The following NLK variants were observed in gnomAD, a reference collection of about 807,000 sequenced individuals.
NLK encodes nemo like kinase, also known as serine/threonine-protein kinase NLK.
In NLK, 11 loss-of-function variants were observed where a neutral mutation model predicts 59.0. The observed-to-expected ratio is 0.19, with a 90% CI of 0.12 to 0.31. The LOEUF (loss-of-function observed/expected upper bound fraction) is 0.31, where lower values mean the gene tolerates loss of function less well. Ranked by LOEUF, NLK falls within the 10% of genes least tolerant of loss-of-function variation. The pLI is 1.00. For synonymous variants in NLK, 235 were observed against 235.9 expected (o/e 1.00, Z 0.03); for missense variants, 410 against 661.1 (o/e 0.62, Z 4.16).
chr17:28,079,334 A>C (rs1440570651), intron 1 of NLK, among the ~76,000 whole-genome samples: 1 of 152,238 alleles, frequency 6.6e-6, no homozygotes, highest in African/African-American at 2.4e-5. Flanking sequence ...AGATATGCAA[A>C]TATCTCTTTG....
intron 1 of NLK, among the ~76,000 whole-genome samples, chr17:28,076,106 A>G (rs1410144710): frequency 6.6e-6 from 1 of 152,194 alleles, no homozygotes; most frequent in Non-Finnish European, 1.5e-5. Context: ...TGTTGGAGCT[A>G]AAAAGGATTG....
chr17:28,088,130 T>G (rs964544739), intron 1 of NLK, among the ~76,000 whole-genome samples: 2 of 152,228 alleles, frequency 1.3e-5, no homozygotes, highest in Non-Finnish European at 2.9e-5. Context: ...TTCTGCTCTC[T>G]TTTCTGTTCA....
At chr17:28,069,369 G>T (rs1417958018) in intron 1 of NLK, among the ~76,000 whole-genome samples, 1 of 152,054 alleles carries the variant, frequency 6.6e-6, no homozygotes, top group Admixed American at 6.6e-5. Flanking sequence ...TCTTTTTATG[G>T]ATATAAGTTT....
rs1027848059 is a variant in NLK at position 28,195,148 on chromosome 17, G to C, written c.*512G>C. On this transcript the variant is annotated 3_prime_UTR_variant, in exon 11 of 11. Coordinates refer to ENST00000407008, the MANE Select transcript of NLK (RefSeq NM_016231.5). The stretch of plus-strand genomic sequence containing the variant: ...ACGTGAGCTGATCGTGGCTGCACCT[G>C]GGGGGAGGGTAGGGAGGAGGGGCAT... 1 of 152,236 alleles carries C rather than the reference G, an allele frequency of 6.6e-6. No homozygotes were observed. The highest frequency in any genetic ancestry group is 6.6e-5 in the Admixed American group (1 of 15,234). The allele number at this position is 152,236 out of a possible 1,614,324, so 9.4% of individuals were successfully genotyped here.
At chr17:28,185,507 CATTA>C (rs2142069274) in intron 8 of NLK, among the ~76,000 whole-genome samples, 1 of 152,206 alleles carries the variant, frequency 6.6e-6, no homozygotes, top group South Asian at 2.1e-4. Flanking sequence ...TTATTTATCT[CATTA>C]TTTGTAAAAG....
intron 6 of NLK, among the ~76,000 whole-genome samples, chr17:28,170,637 G>A (rs1180936043): frequency 1.3e-5 from 2 of 152,164 alleles, no homozygotes; most frequent in African/African-American, 4.8e-5. Context: ...TAACCTGTAA[G>A]ACTATCATAT....
intron 8 of NLK, among the ~76,000 whole-genome samples, chr17:28,186,054 A>G (rs1241003756): frequency 1.3e-5 from 2 of 152,204 alleles, no homozygotes; most frequent in Non-Finnish European, 2.9e-5. Context: ...GCCAATAACT[A>G]TTGTCAAAGA....
intron 3 of NLK, among the ~76,000 whole-genome samples, chr17:28,160,594 G>A (rs1344552186): frequency 1.3e-5 from 2 of 152,156 alleles, no homozygotes; most frequent in African/African-American, 4.8e-5. Context: ...TAGTGGTGAT[G>A]GTGGGGAGGG....
At chr17:28,144,286 G>C (rs564616186) in intron 3 of NLK, among the ~76,000 whole-genome samples, 1 of 150,944 alleles carries the variant, frequency 6.6e-6, no homozygotes, top group South Asian at 2.1e-4. Context: ...ACTGTTTAAA[G>C]TTCAAACTCA....
intron 3 of NLK, among the ~76,000 whole-genome samples, chr17:28,138,756 A>G (rs1422204120): frequency 6.6e-6 from 1 of 152,248 alleles, no homozygotes; most frequent in Non-Finnish European, 1.5e-5. Flanking sequence ...CATAAACATA[A>G]GCATCAACTG....
chr17:28,175,852 G>A (rs1399977575), intron 7 of NLK, among the ~76,000 whole-genome samples: 1 of 152,036 alleles, frequency 6.6e-6, no homozygotes, highest in East Asian at 1.9e-4. Flanking sequence ...GTAATGCAAG[G>A]GTGGTTCACC....
chr17:28,204,053 G>C, the NLK span, among the ~76,000 whole-genome samples: 1 of 152,190 alleles, frequency 6.6e-6, no homozygotes, highest in Admixed American at 6.5e-5. Flanking sequence ...AGCATTCAGT[G>C]GAAGAGACAG....
At chr17:28,077,073 CTTTTTTT>C (rs35639099) in intron 1 of NLK, among the ~76,000 whole-genome samples, 641 of 42,540 alleles carry the variant, frequency 0.015, 15 homozygotes, top group Admixed American at 0.086. Flanking sequence ...CTCTTTCTTT[CTTTTTTT>C]TTTTTTTTTT....
intron 1 of NLK, among the ~76,000 whole-genome samples, chr17:28,050,460 A>G (rs1320660733): frequency 6.6e-6 from 1 of 152,238 alleles, no homozygotes; most frequent in Non-Finnish European, 1.5e-5. Context: ...ACAGTTAAAT[A>G]GCATATCTGT....
chr17:28,137,550 A>G (rs977684069), intron 3 of NLK, among the ~76,000 whole-genome samples: 3 of 152,158 alleles, frequency 2.0e-5, no homozygotes, highest in Non-Finnish European at 2.9e-5. Context: ...CTAATATAAT[A>G]GTTAATATAA....
At position 28,168,660 on chromosome 17, in the gene NLK, A is replaced by G. The variant is rs1279275366; in HGVS notation, c.1047+3A>G. 1 of 1,610,610 alleles carries G rather than the reference A, an allele frequency of 6.2e-7. No individual in the cohort carries two copies. The highest frequency in any genetic ancestry group is 8.5e-7 in the Non-Finnish European group (1 of 1,176,934). ...AGGCACAGAGTCCCATTCAGCAGGT[A>G]TGATTTCAATTTAAGGCTTTAGTTG... On this transcript the variant is annotated splice_donor_region_variant and intron_variant, in intron 6 of 10. Coordinates refer to ENST00000407008, the MANE Select transcript of NLK (RefSeq NM_016231.5).
At position 28,162,599 on chromosome 17, in the gene NLK, T is replaced by G. The variant is rs529269619; in HGVS notation, c.752-944T>G. Among the ~76,000 whole-genome samples, 190 of 152,198 alleles carry G rather than the reference T, an allele frequency of 1.2e-3. 1 individual carries two copies. Among genetic ancestry groups the G allele is most frequent in the African/African-American group, 4.5e-3 (186 of 41,572 alleles). On this transcript the variant is annotated intron_variant, in intron 4 of 10. Coordinates refer to ENST00000407008, the MANE Select transcript of NLK (RefSeq NM_016231.5). ...CTGCAGGGAGCCAAGATCGCGTCAC[T>G]GCACTCCATCCTGGGCAACAGAGTG...
At chr17:28,129,118 G>A (rs1300562869) in intron 2 of NLK, among the ~76,000 whole-genome samples, 1 of 152,132 alleles carries the variant, frequency 6.6e-6, no homozygotes, top group Admixed American at 6.5e-5. Context: ...TGAATCTTTG[G>A]TGACAGAAGT....
At chr17:28,111,861 C>CGTGTGTGTGTGT (rs144479598) in intron 1 of NLK, among the ~76,000 whole-genome samples, 3 of 74,074 alleles carry the variant, frequency 4.1e-5, no homozygotes, top group Admixed American at 1.5e-4. Context: ...AGGCTTATAC[C>CGTGTGTGTGTGT]GTGTGTGTGT....
Sources: gnomAD v4.1 joint callset for allele counts (sites outside exome capture counted in the v4.1 genomes callset) on GRCh38, gnomAD v4.1.1 for gene constraint, MANE v1.5 for transcripts, NCBI Gene and HGNC (gene_info 2026-07-23, HGNC 2026-07-21) for gene names.